The following LRP1 variants were observed in gnomAD, a reference collection of about 807,000 sequenced individuals.
LRP1 encodes the protein LDL receptor related protein 1, also known as prolow-density lipoprotein receptor-related protein 1.
A neutral mutation model predicts 541.5 loss-of-function variants in LRP1; 51 were observed. That is an observed-to-expected ratio of 0.09 (90% confidence interval 0.08 to 0.12). LRP1 has a LOEUF of 0.12. LRP1 is among the 10% of genes least tolerant of loss of function. The pLI is 1.00. For synonymous variants in LRP1, 2,219 were observed against 2,470.8 expected (o/e 0.90, Z 3.02); for missense variants, 3,878 against 6,376.2 (o/e 0.61, Z 13.34).
rs1157293273 is a variant in LRP1 at position 57,138,440 on chromosome 12, T to C, written c.68-19T>C. 1.2e-6 allele frequency: 2 copies of C among 1,612,440 alleles called. No homozygotes were observed. Among genetic ancestry groups the C allele is most frequent in the East Asian group, 4.5e-5 (2 of 44,834 alleles). The stretch of plus-strand genomic sequence containing the variant: ...GCCTCCATCCTTCATTTATATCCCC[T>C]TTTCTTTCCTTGCCCTAGCCCCTAA... On this transcript the variant is annotated intron_variant, in intron 1 of 88. Transcript: ENST00000243077.
At chr12:57,157,847 T>C (rs539128706) in intron 10 of LRP1, among the ~76,000 whole-genome samples, 1 of 152,172 alleles carries the variant, frequency 6.6e-6, no homozygotes, top group South Asian at 2.1e-4. Flanking sequence ...GGCTGAGTGG[T>C]GTGAGGGCAG....
intron 4 of LRP1, 83 bp from the exon 5 acceptor site, chr12:57,144,889 C>T: frequency 7.4e-7 from 1 of 1,349,886 alleles, no homozygotes; most frequent in South Asian, 1.2e-5. Flanking sequence ...TAAGGATGGA[C>T]ATGTTGATCA....
At position 57,162,659 on chromosome 12, in the gene LRP1, C is replaced by T; in HGVS notation, c.2404+141C>T. 1 of 1,108,088 alleles carries T rather than the reference C, an allele frequency of 9.0e-7. No homozygotes were observed. The highest frequency in any genetic ancestry group is 2.6e-5 in the East Asian group (1 of 38,694). The allele number at this position is 1,108,088 out of a possible 1,614,324, so 68.6% of individuals were successfully genotyped here. On this transcript the variant is annotated intron_variant, in intron 14 of 88. Coordinates refer to ENST00000243077, the MANE Select transcript of LRP1 (RefSeq NM_002332.3). The surrounding 1 kb of genome is among the most constrained non-coding windows in gnomAD (Gnocchi z 5.2). ...TTTGAGGATCCTGAGAAGAGAACTC[C>T]CCCAACACAATCTGATTCTCTGTTC...
At position 57,180,124 on chromosome 12, in the gene LRP1, G is replaced by T; in HGVS notation, c.5219G>T (p.Gly1740Val). 1 of 1,613,764 alleles carries T rather than the reference G, an allele frequency of 6.2e-7. No homozygotes were observed. The highest frequency in any genetic ancestry group is 8.5e-7 in the Non-Finnish European group (1 of 1,179,992). The change falls in exon 31 of 89, where the codon GGC (glycine) becomes GTC (valine). Residue 1740 changes from glycine (G) to valine (V), a missense_variant. Gly to Val is a moderately radical substitution (Grantham distance 109). Transcript: ENST00000243077. ...DGSNRTLLFSGQKGPVGLAID... is the reference protein window; with the variant it reads ...DGSNRTLLFSVQKGPVGLAID... ...AGCAATCGCACCCTGCTCTTCAGTG[G>T]CCAGAAGGGCCCCGTGGGTACGAGC...
chr12:57,137,030 T>C (rs1369323836), intron 1 of LRP1, among the ~76,000 whole-genome samples: 1 of 151,838 alleles, frequency 6.6e-6, no homozygotes, highest in Non-Finnish European at 1.5e-5. Flanking sequence ...TCAGATGAGG[T>C]TGGGAGTTCG....
intron 76 of LRP1, among the ~76,000 whole-genome samples, 174 bp from the exon 77 acceptor site, chr12:57,207,864 C>A (rs534089424): frequency 8.5e-5 from 13 of 152,350 alleles, no homozygotes; most frequent in African/African-American, 3.1e-4. Context: ...GCTCACCAGC[C>A]ACGTGTGAGA....
At position 57,201,654 on chromosome 12, in the gene LRP1, C is replaced by G; in HGVS notation, c.10468+35C>G. ...CTGGCCTGGAGCCCAGCTTCCCTCC[C>G]CAGTGTCTGCTGCTCACACCACCCC... On this transcript the variant is annotated intron_variant, in intron 66 of 88. Coordinates refer to ENST00000243077, the MANE Select transcript of LRP1 (RefSeq NM_002332.3). The surrounding 1 kb of genome is among the most constrained non-coding windows in gnomAD (Gnocchi z 6.4). 1 of 1,603,662 alleles carries G rather than the reference C, an allele frequency of 6.2e-7. No homozygotes were observed. Among genetic ancestry groups the G allele is most frequent in the Non-Finnish European group, 8.5e-7 (1 of 1,172,536 alleles).
At chr12:57,200,838 T>TCCC in intron 64 of LRP1, 23 bp downstream of exon 64, 1 of 630,300 alleles carries the variant, frequency 1.6e-6, no homozygotes, top group East Asian at 8.5e-5. Flanking sequence ...CCGCCCACCC[T>TCCC]CCCTCCTTCC....
chr12:57,180,821 C>G lies in LRP1; in HGVS notation c.5527+14C>G. On this transcript the variant is annotated intron_variant, in intron 33 of 88. Transcript: ENST00000243077. ...GCATCCAGCTGGGTAGGTGCGAGGC[C>G]GGGCGGCCGCTGGGGGCTCAGGGGC... is the stretch of plus-strand genomic sequence containing the variant. The G allele has an allele frequency of 6.2e-7, 1 of 1,612,826 alleles. No homozygotes were observed. The highest frequency in any genetic ancestry group is 1.7e-5 in the Admixed American group (1 of 60,034).
Position 57,185,516 on chromosome 12 carries a change from C to A in LRP1, c.6464-15C>A, listed in dbSNP as rs773819737. The stretch of plus-strand genomic sequence containing the variant: ...CCAAGGCAGGCCCTGCCCTCTGTAC[C>A]CTCCCCTCCCCCAGGCACCAACGTG... On this transcript the variant is annotated splice_polypyrimidine_tract_variant and intron_variant, in intron 40 of 88. Coordinates refer to ENST00000243077, the MANE Select transcript of LRP1 (RefSeq NM_002332.3). The surrounding 1 kb of genome is among the most constrained non-coding windows in gnomAD (Gnocchi z 4.9). The A allele has an allele frequency of 1.3e-6, 2 of 1,572,496 alleles. No individual in the cohort carries two copies.
intron 12 of LRP1, among the ~76,000 whole-genome samples, chr12:57,160,519 C>T (rs977044376): frequency 3.3e-5 from 5 of 152,150 alleles, no homozygotes; most frequent in African/African-American, 1.2e-4. Flanking sequence ...CCTTCTCCAT[C>T]ACTCCCCTGA....
At chr12:57,149,947 G>A in intron 6 of LRP1, 6 of 570,108 alleles carry the variant, frequency 1.1e-5, no homozygotes, top group Non-Finnish European at 1.6e-5. Flanking sequence ...GTCTTGGAGT[G>A]TCCCAAGGCC....
Position 57,178,844 on chromosome 12 carries a change from A to C in LRP1, c.4607-46A>C. The C allele has an allele frequency of 6.3e-7, 1 of 1,584,162 alleles. No individual in the cohort carries two copies. The highest frequency in any genetic ancestry group is 1.3e-5 in the African/African-American group (1 of 74,162). Reference sequence around the variant, plus strand: ...GGGGTGGTCCATGTAGGGAGCAGCAAGTCACAGGATGCTCTGGCTTCTTCT... The same window carrying C: ...GGGGTGGTCCATGTAGGGAGCAGCACGTCACAGGATGCTCTGGCTTCTTCT... On this transcript the variant is annotated intron_variant, in intron 27 of 88. Coordinates refer to ENST00000243077, the MANE Select transcript of LRP1 (RefSeq NM_002332.3). This position sits in a 1 kb window ranked among gnomAD's most constrained non-coding sequence, Gnocchi z 5.8.
chr12:57,166,794 G>A (rs1317209353), intron 17 of LRP1, 136 bp from the exon 18 acceptor site: 1 of 652,588 alleles, frequency 1.5e-6, no homozygotes, highest in Non-Finnish European at 2.8e-6. Context: ...CCAGAGAGAT[G>A]GTTTTGAATT....
chr12:57,173,876 C>A lies in LRP1; in HGVS notation c.3443C>A (p.Pro1148His). ...ENCESLACRP[P>H]SHPCANNTSV... ...TGCGAGTCCCTGGCCTGCAGGCCAC[C>A]CTCGCACCCTTGTGCCAACAACACC... Residue 1148 changes from proline (P) to histidine (H), a missense_variant, in exon 22 of 89, where the codon CCC (proline) becomes CAC (histidine). Around this residue, in one of 13 missense-constraint regions of LRP1, gnomAD observed 320 missense variants for 547.9 expected, o/e 0.58. Transcript: ENST00000243077. The surrounding 1 kb of genome is among the most constrained non-coding windows in gnomAD (Gnocchi z 4.7). 1 of 1,614,198 alleles carries A rather than the reference C, an allele frequency of 6.2e-7. No individual in the cohort carries two copies.
rs1258303223 is a variant in LRP1 at position 57,166,295 on chromosome 12, C to G, written c.2797+86C>G. ...GGGGGCCAGGTTCAGTGGCTCATGCCTATAATCTCAGCACTTTGGGAGGCC... is the reference window on the plus strand; with the variant it reads ...GGGGGCCAGGTTCAGTGGCTCATGCGTATAATCTCAGCACTTTGGGAGGCC... On this transcript the variant is annotated intron_variant, in intron 17 of 88. Coordinates refer to ENST00000243077, the MANE Select transcript of LRP1 (RefSeq NM_002332.3). The G allele has an allele frequency of 2.7e-6, 4 of 1,479,670 alleles. No homozygotes were observed. The African/African-American group carries it at 4.2e-5, about 15-fold the overall frequency. The allele number at this position is 1,479,670 out of a possible 1,614,324, so 91.7% of individuals were successfully genotyped here. A position where few individuals can be genotyped will look rare whatever the true frequency, so the allele number is the denominator to read the frequency against.
At chr12:57,175,432 G>A (rs1359506930) in intron 22 of LRP1, 28 bp from the exon 23 acceptor site, 2 of 1,610,238 alleles carry the variant, frequency 1.2e-6, no homozygotes, top group East Asian at 4.5e-5. Flanking sequence ...CTGACCCTGG[G>A]TCTGTTCCAT....
In LRP1 at chr12:57,194,980, C is replaced by G. The variant is rs1210115384; in HGVS notation, c.8192-5C>G. ...CCATCTAACTGTGGCTTCTGACTGC[C>G]CCAGACAAGTTCTGCTCAGAGGCCC... On this transcript the variant is annotated splice_polypyrimidine_tract_variant and splice_region_variant and intron_variant, in intron 50 of 88. Transcript: ENST00000243077. The G allele has an allele frequency of 2.5e-6, 4 of 1,611,212 alleles. No individual in the cohort carries two copies. Among genetic ancestry groups the G allele is most frequent in the African/African-American group, 1.3e-5 (1 of 74,996 alleles).
rs1185480237 is a variant in LRP1 at position 57,184,704 on chromosome 12, A to G, written c.6187-135A>G. On this transcript the variant is annotated intron_variant, in intron 38 of 88. Transcript: ENST00000243077. This position sits in a 1 kb window ranked among gnomAD's most constrained non-coding sequence, Gnocchi z 7.8. ...TCAGCAGGGCAGTGGGCAGGAGTGT[A>G]TGCAGGAGGCAGGAGTGAGTTAGGG... is the stretch of plus-strand genomic sequence containing the variant. 12 of 1,029,570 alleles carry G rather than the reference A, an allele frequency of 1.2e-5. No individual in the cohort carries two copies. Among genetic ancestry groups the G allele is most frequent in the Non-Finnish European group, 1.7e-5 (12 of 710,026 alleles). The allele number at this position is 1,029,570 out of a possible 1,614,324, so 63.8% of individuals were successfully genotyped here. A position where few individuals can be genotyped will look rare whatever the true frequency, so the allele number is the denominator to read the frequency against.
Sources: gnomAD v4.1 joint callset for allele counts (sites outside exome capture counted in the v4.1 genomes callset) on GRCh38, gnomAD v4.1.1 for gene constraint, gnomAD v4.1.1 regional missense constraint, Gnocchi (gnomAD v3.1) non-coding constraint, MANE v1.5 for transcripts, NCBI Gene and HGNC (gene_info 2026-07-23, HGNC 2026-07-21) for gene names.